SLC25A11: variants seen among roughly 807,000 people sequenced by gnomAD.
SLC25A11 encodes mitochondrial 2-oxoglutarate/malate carrier protein.
Under a neutral mutation model 32.7 loss-of-function variants are expected in SLC25A11, and 11 were observed. The observed-to-expected ratio is 0.34, with a 90% confidence interval of 0.21 to 0.56. The LOEUF (loss-of-function observed/expected upper bound fraction) is 0.56, where lower values mean the gene tolerates loss of function less well. Among genes scored for constraint, SLC25A11 ranks in the 20% least tolerant of loss-of-function variants. The probability of loss-of-function intolerance (pLI) is 0.90; values close to 1 mark genes in which losing one functional copy is unlikely to be tolerated. For missense variants in SLC25A11, 295 were observed against 426.3 expected (o/e 0.69, Z 2.71); for synonymous variants, 163 against 168.3 (o/e 0.97, Z 0.24).
rs570161931 is a variant in SLC25A11 at position 4,938,694 on chromosome 17, C to T, written c.455+75G>A. On this transcript the variant is annotated intron_variant, in intron 3 of 7. Transcript: ENST00000225665. This position sits in a 1 kb window ranked among gnomAD's most constrained non-coding sequence, Gnocchi z 7.6. ...ACAGGTAAACACTCTGCTCCAGATC[C>T]GGGATAAAAAACTGGTCCTTTCATT... is the stretch of plus-strand genomic sequence containing the variant. The T allele has an allele frequency of 8.2e-6, 13 of 1,585,402 alleles. No individual in the cohort carries two copies. The highest frequency in any genetic ancestry group is 1.1e-5 in the South Asian group (1 of 90,158).
chr17:4,939,984 C>T lies in SLC25A11; in HGVS notation c.-74G>A. ...CTCGCGCCCAAGGTGACACCGCGCG[C>T]GCAACAGAGCGAGGGCGCGCGCACG... On this transcript the variant is annotated 5_prime_UTR_variant, in exon 1 of 8. Coordinates refer to ENST00000225665, the MANE Select transcript of SLC25A11 (RefSeq NM_003562.5). The surrounding 1 kb of genome is among the most constrained non-coding windows in gnomAD (Gnocchi z 4.1). The T allele has an allele frequency of 1.5e-5, 17 of 1,115,298 alleles. No individual in the cohort carries two copies. The highest frequency in any genetic ancestry group is 2.0e-5 in the Non-Finnish European group (16 of 814,870). The allele number at this position is 1,115,298 out of a possible 1,614,324, so 69.1% of individuals were successfully genotyped here.
In SLC25A11 at chr17:4,938,039, T is replaced by G. The variant is rs763245014; in HGVS notation, c.773A>C (p.Glu258Ala). The G allele has an allele frequency of 1.2e-6, 2 of 1,614,028 alleles. No homozygotes were observed. The highest frequency in any genetic ancestry group is 1.7e-6 in the Non-Finnish European group (2 of 1,180,022). Residue 258 changes from glutamate to alanine, a missense_variant, in exon 7 of 8, where the codon GAA becomes GCA. Glu to Ala is a moderately radical substitution (Grantham distance 107). This residue lies in a region of SLC25A11 where 142 missense variants were observed against 197.8 expected (regional missense o/e 0.72). Transcript: ENST00000225665. This position sits in a 1 kb window ranked among gnomAD's most constrained non-coding sequence, Gnocchi z 7.6. ...QNMRMIDGKP[E>A]YKNGLDVLFK... Reference sequence around the variant, plus strand: ...CTTCCTCACCAGCCCGTTCTTGTATTCCGGCTTCCCATCAATCATCCGCAT... The same window carrying G: ...CTTCCTCACCAGCCCGTTCTTGTATGCCGGCTTCCCATCAATCATCCGCAT...
Position 4,937,694 on chromosome 17 carries a change from G to A in SLC25A11, c.*47C>T. ...GGGCAGCAGAGCCCAGGCCCCCAGGGCGCAGTGGCTATAGGCGCAGCAGGC... is the reference window on the plus strand; with the variant it reads ...GGGCAGCAGAGCCCAGGCCCCCAGGACGCAGTGGCTATAGGCGCAGCAGGC... On this transcript the variant is annotated 3_prime_UTR_variant, in exon 8 of 8. Transcript: ENST00000225665. The A allele has an allele frequency of 1.3e-6, 2 of 1,553,494 alleles. No individual in the cohort carries two copies. The highest frequency in any genetic ancestry group is 1.7e-6 in the Non-Finnish European group (2 of 1,152,346).
Position 4,937,575 on chromosome 17 carries a change from G to A in SLC25A11, c.*166C>T. On this transcript the variant is annotated 3_prime_UTR_variant, in exon 8 of 8. Coordinates refer to ENST00000225665, the MANE Select transcript of SLC25A11 (RefSeq NM_003562.5). ...CAGAGAAATCACAGGATCAGGACGA[G>A]CAGGGCAAGCTGGAGCAGGGGGTAG... 1.4e-6 allele frequency: 1 copy of A among 713,844 alleles called. No individual in the cohort carries two copies. Among genetic ancestry groups the A allele is most frequent in the Non-Finnish European group, 2.2e-6 (1 of 462,516 alleles). 44.2% of individuals were successfully genotyped at this position (713,844 alleles called of 1,614,324 possible). A position where few individuals can be genotyped will look rare whatever the true frequency, so the allele number is the denominator to read the frequency against.
chr17:4,938,901 C>T lies in SLC25A11; in HGVS notation c.323G>A (p.Arg108His), dbSNP rs779131906. Reference sequence around the variant, plus strand: ...GGGAGTACCATCAGCCCCAGTCAGGCGCTCAAACAGCACGGTATAGATGCC... The same window carrying T: ...GGGAGTACCATCAGCCCCAGTCAGGTGCTCAAACAGCACGGTATAGATGCC... ...RLGIYTVLFE[R>H]LTGADGTPPG... The change falls in exon 3 of 8, where the codon CGC becomes CAC. Residue 108 changes from arginine to histidine, a missense_variant. Arg to His is a conservative substitution (Grantham distance 29, BLOSUM62 0). This residue lies in a region of SLC25A11 where 49 missense variants were observed against 106.9 expected (regional missense o/e 0.46). Coordinates refer to ENST00000225665, the MANE Select transcript of SLC25A11 (RefSeq NM_003562.5). The surrounding 1 kb of genome is among the most constrained non-coding windows in gnomAD (Gnocchi z 7.6). The T allele has an allele frequency of 1.9e-6, 3 of 1,614,104 alleles. No homozygotes were observed. The highest frequency in any genetic ancestry group is 2.7e-5 in the African/African-American group (2 of 75,020).
chr17:4,939,989 C>A lies in SLC25A11; in HGVS notation c.-79G>T. On this transcript the variant is annotated 5_prime_UTR_variant, in exon 1 of 8. Transcript: ENST00000225665. This position sits in a 1 kb window ranked among gnomAD's most constrained non-coding sequence, Gnocchi z 4.1. Reference sequence around the variant, plus strand: ...GCCCAAGGTGACACCGCGCGCGCAACAGAGCGAGGGCGCGCGCACGCCCCT... The same window carrying A: ...GCCCAAGGTGACACCGCGCGCGCAAAAGAGCGAGGGCGCGCGCACGCCCCT... 2.8e-6 allele frequency: 3 copies of A among 1,065,240 alleles called. No homozygotes were observed. Among genetic ancestry groups the A allele is most frequent in the Non-Finnish European group, 3.9e-6 (3 of 771,402 alleles). The allele number at this position is 1,065,240 out of a possible 1,614,324, so 66.0% of individuals were successfully genotyped here. A position where few individuals can be genotyped will look rare whatever the true frequency, so the allele number is the denominator to read the frequency against.
rs747043524 is a variant in SLC25A11 at position 4,937,838 on chromosome 17, G to A, written c.848C>T (p.Thr283Met). 14 of 1,614,046 alleles carry A rather than the reference G, an allele frequency of 8.7e-6. No individual in the cohort carries two copies. The highest frequency in any genetic ancestry group is 2.7e-5 in the African/African-American group (2 of 74,932). ...EGFFSLWKGF[T>M]PYYARLGPHT... Reference sequence around the variant, plus strand: ...GGGGCCCAGGCGGGCATAGTACGGCGTGAAGCCCTTCCACAGGCTGAAGAA... The same window carrying A: ...GGGGCCCAGGCGGGCATAGTACGGCATGAAGCCCTTCCACAGGCTGAAGAA... Residue 283 changes from threonine (T) to methionine (M), a missense_variant, in exon 8 of 8, where the codon ACG (threonine) becomes ATG (methionine). Thr to Met is a moderately conservative substitution (Grantham distance 81). Around this residue, in one of 3 missense-constraint regions of SLC25A11, gnomAD observed 142 missense variants for 197.8 expected, o/e 0.72. Transcript: ENST00000225665.
At position 4,939,858 on chromosome 17, in the gene SLC25A11, G is replaced by C; in HGVS notation, c.53C>G (p.Thr18Ser). ...CAGGAACTTGACGGACTTAGGGGAG[G>C]TACGGGGCTTCCCGTCTATCCCGCC... ...GAGGIDGKPR[T>S]SPKSVKFLFG... Residue 18 changes from threonine to serine, a missense_variant, in exon 1 of 8, where the codon ACC becomes AGC. Physicochemically the swap from Thr to Ser is moderately conservative, Grantham distance 58. This residue lies in a region of SLC25A11 where 104 missense variants were observed against 121.5 expected (regional missense o/e 0.86). Coordinates refer to ENST00000225665, the MANE Select transcript of SLC25A11 (RefSeq NM_003562.5). This position sits in a 1 kb window ranked among gnomAD's most constrained non-coding sequence, Gnocchi z 4.1. 1 of 1,612,616 alleles carries C rather than the reference G, an allele frequency of 6.2e-7. No individual in the cohort carries two copies. The highest frequency in any genetic ancestry group is 8.5e-7 in the Non-Finnish European group (1 of 1,179,696).
Position 4,939,465 on chromosome 17 carries a change from C to T in SLC25A11, c.96-253G>A, listed in dbSNP as rs939411694. 3.4e-6 allele frequency: 2 copies of T among 583,042 alleles called. No individual in the cohort carries two copies. Among genetic ancestry groups the T allele is most frequent in the Admixed American group, 6.2e-5 (2 of 32,422 alleles). The allele number at this position is 583,042 out of a possible 1,614,324, so 36.1% of individuals were successfully genotyped here. ...ATGACAGTCAAGCAGTGACCTGGGG[C>T]TGCACGCAGTCCGACACAGGGAGGG... On this transcript the variant is annotated intron_variant, in intron 1 of 7. Coordinates refer to ENST00000225665, the MANE Select transcript of SLC25A11 (RefSeq NM_003562.5). This position sits in a 1 kb window ranked among gnomAD's most constrained non-coding sequence, Gnocchi z 4.1.
rs1156942718 is a variant in SLC25A11 at position 4,939,491 on chromosome 17, G to C, written c.96-279C>G. 30 of 576,674 alleles carry C rather than the reference G, an allele frequency of 5.2e-5. No individual in the cohort carries two copies. The highest frequency in any genetic ancestry group is 9.2e-5 in the Non-Finnish European group (30 of 326,108). 35.7% of individuals were successfully genotyped at this position (576,674 alleles called of 1,614,324 possible). On this transcript the variant is annotated intron_variant, in intron 1 of 7. Coordinates refer to ENST00000225665, the MANE Select transcript of SLC25A11 (RefSeq NM_003562.5). The surrounding 1 kb of genome is among the most constrained non-coding windows in gnomAD (Gnocchi z 4.1). ...TGCACGCAGTCCGACACAGGGAGGGGAGGAAGGGGCATCCAAGATTTAGGA... is the reference window on the plus strand; with the variant it reads ...TGCACGCAGTCCGACACAGGGAGGGCAGGAAGGGGCATCCAAGATTTAGGA...
At position 4,938,828 on chromosome 17, in the gene SLC25A11, A is replaced by C. The variant is rs759148664; in HGVS notation, c.396T>G (p.Thr132=). The C allele has an allele frequency of 7.0e-5, 113 of 1,614,044 alleles. No individual in the cohort carries two copies. Among genetic ancestry groups the C allele is most frequent in the Non-Finnish European group, 9.3e-5 (110 of 1,180,036 alleles). The part of the protein sequence containing the change: ...KAVIGMTAGA[T]GAFVGTPAEV... The stretch of plus-strand genomic sequence containing the variant: ...CGGCTGGTGTTCCCACAAAGGCACC[A>C]GTGGCACCTGCGGTCATGCCAATCA... Residue 132 remains threonine, a synonymous_variant, in exon 3 of 8, where the codon ACT becomes ACG. Coordinates refer to ENST00000225665, the MANE Select transcript of SLC25A11 (RefSeq NM_003562.5). This position sits in a 1 kb window ranked among gnomAD's most constrained non-coding sequence, Gnocchi z 7.6.
Position 4,937,600 on chromosome 17 carries a change from G to T in SLC25A11, c.*141C>A. 3 of 1,001,688 alleles carry T rather than the reference G, an allele frequency of 3.0e-6. No homozygotes were observed. The highest frequency in any genetic ancestry group is 4.3e-6 in the Non-Finnish European group (3 of 694,788). 62.0% of individuals were successfully genotyped at this position (1,001,688 alleles called of 1,614,324 possible). ...GCAGGGCAAGCTGGAGCAGGGGGTA[G>T]AACAGACCAAGTCCTTTACCGCAGA... On this transcript the variant is annotated 3_prime_UTR_variant, in exon 8 of 8. Transcript: ENST00000225665.
rs1052534231 is a variant in SLC25A11, at chr17:4,938,720, C to T, written c.455+49G>A. 1.9e-6 allele frequency: 3 copies of T among 1,596,296 alleles called. No homozygotes were observed. Among genetic ancestry groups the T allele is most frequent in the Non-Finnish European group, 2.6e-6 (3 of 1,166,900 alleles). On this transcript the variant is annotated intron_variant, in intron 3 of 7. Transcript: ENST00000225665. The surrounding 1 kb of genome is among the most constrained non-coding windows in gnomAD (Gnocchi z 7.6). ...GGGATAAAAAACTGGTCCTTTCATT[C>T]TAGATTCGAGGGAATGGGGCTGGGG...
chr17:4,939,972 T>A lies in SLC25A11; in HGVS notation c.-62A>T. ...CGCGCGGCCCCGCTCGCGCCCAAGG[T>A]GACACCGCGCGCGCAACAGAGCGAG... On this transcript the variant is annotated 5_prime_UTR_variant, in exon 1 of 8. Transcript: ENST00000225665. The surrounding 1 kb of genome is among the most constrained non-coding windows in gnomAD (Gnocchi z 4.1). 1 of 1,282,042 alleles carries A rather than the reference T, an allele frequency of 7.8e-7. No individual in the cohort carries two copies. Among genetic ancestry groups the A allele is most frequent in the Non-Finnish European group, 1.1e-6 (1 of 949,738 alleles). 79.4% of individuals were successfully genotyped at this position (1,282,042 alleles called of 1,614,324 possible).
chr17:4,938,876 G>T lies in SLC25A11; in HGVS notation c.348C>A (p.Pro116=), dbSNP rs1237529122. ...FERLTGADGT[P]PGFLLKAVIG... Reference sequence around the variant, plus strand: ...TCACAGCCTTCAGCAGAAAGCCAGGGGGAGTACCATCAGCCCCAGTCAGGC... The same window carrying T: ...TCACAGCCTTCAGCAGAAAGCCAGGTGGAGTACCATCAGCCCCAGTCAGGC... Residue 116 remains proline, a synonymous_variant, in exon 3 of 8, where the codon CCC becomes CCA. Transcript: ENST00000225665. The surrounding 1 kb of genome is among the most constrained non-coding windows in gnomAD (Gnocchi z 7.6). The T allele has an allele frequency of 1.2e-6, 2 of 1,614,164 alleles. No homozygotes were observed. Among genetic ancestry groups the T allele is most frequent in the Admixed American group, 3.3e-5 (2 of 60,022 alleles).
In SLC25A11 at chr17:4,937,510, C is replaced by A; in HGVS notation, c.*231G>T. On this transcript the variant is annotated 3_prime_UTR_variant, in exon 8 of 8. Coordinates refer to ENST00000225665, the MANE Select transcript of SLC25A11 (RefSeq NM_003562.5). ...TAAAACCCAGGGGGAGGCCAGAAAT[C>A]CTCAGAAGTTTTCCAGCTCCCTGCA... is the stretch of plus-strand genomic sequence containing the variant. 3.0e-6 allele frequency: 1 copy of A among 336,824 alleles called. No individual in the cohort carries two copies. Among genetic ancestry groups the A allele is most frequent in the Non-Finnish European group, 4.8e-6 (1 of 209,776 alleles). The allele number at this position is 336,824 out of a possible 1,614,324, so 20.9% of individuals were successfully genotyped here. A position where few individuals can be genotyped will look rare whatever the true frequency, so the allele number is the denominator to read the frequency against.
In SLC25A11 at chr17:4,940,014, T is replaced by C. The variant is rs185780491; in HGVS notation, c.-104A>G. 1.7e-4 allele frequency: 124 copies of C among 741,798 alleles called. No homozygotes were observed. The African/African-American group carries it at 2.1e-3, about 13-fold the overall frequency. 46.0% of individuals were successfully genotyped at this position (741,798 alleles called of 1,614,324 possible). On this transcript the variant is annotated 5_prime_UTR_variant, in exon 1 of 8. Coordinates refer to ENST00000225665, the MANE Select transcript of SLC25A11 (RefSeq NM_003562.5). ...CAGAGCGAGGGCGCGCGCACGCCCC[T>C]CCAGCTCTCAGGTCCGACACCCGCT... is the stretch of plus-strand genomic sequence containing the variant.
rs1297087034 is a variant in SLC25A11, at chr17:4,940,026, G to T, written c.-116C>A. 4 of 634,076 alleles carry T rather than the reference G, an allele frequency of 6.3e-6. No homozygotes were observed. The highest frequency in any genetic ancestry group is 9.8e-6 in the Non-Finnish European group (4 of 408,632). The allele number at this position is 634,076 out of a possible 1,614,324, so 39.3% of individuals were successfully genotyped here. On this transcript the variant is annotated 5_prime_UTR_variant, in exon 1 of 8. Transcript: ENST00000225665. ...GCGCGCACGCCCCTCCAGCTCTCAG[G>T]TCCGACACCCGCTGGAAGCCGGCGC...
rs763714265 is a variant in SLC25A11 at position 4,937,894 on chromosome 17, G to A, written c.792C>T (p.Asp264=). 3.2e-5 allele frequency: 51 copies of A among 1,613,038 alleles called. No individual in the cohort carries two copies. The East Asian group carries it at 4.0e-4, about 13-fold the overall frequency. The change falls in exon 8 of 8, where the codon GAC becomes GAT. Residue 264 remains aspartate, a splice_region_variant and synonymous_variant. Transcript: ENST00000225665. ...CGTAGCGGACAACTTTGAACAGCACGTCCTAGACACAGACAGGCAGGGCGC... is the reference window on the plus strand; with the variant it reads ...CGTAGCGGACAACTTTGAACAGCACATCCTAGACACAGACAGGCAGGGCGC... ...DGKPEYKNGL[D]VLFKVVRYEG...
Sources: allele counts gnomAD v4.1 joint callset, GRCh38; gene constraint gnomAD v4.1.1; regional missense constraint gnomAD v4.1.1; non-coding constraint Gnocchi (gnomAD v3.1); transcripts MANE v1.5; gene names NCBI Gene and HGNC (gene_info 2026-07-23, HGNC 2026-07-21).